The following BBOF1 variants were observed in gnomAD, a reference collection of about 807,000 sequenced individuals.
BBOF1 encodes the protein basal body-orientation factor 1.
Under a neutral mutation model 68.0 loss-of-function variants are expected in BBOF1, and 62 were observed. That is an observed-to-expected ratio of 0.91 (90% CI 0.74 to 1.13). BBOF1 has a LOEUF of 1.13. BBOF1 is among the 50% of genes most tolerant of loss of function. BBOF1 has a pLI of 0.00. For missense variants in BBOF1, 534 were observed against 600.1 expected, an observed-to-expected ratio of 0.89 and a Z score of 1.15; for synonymous variants, 208 against 198.8, an observed-to-expected ratio of 1.05 and a Z score of -0.39.
intron 1 of BBOF1, among the ~76,000 whole-genome samples, chr14:74,019,738 A>G (rs535154359): frequency 1.3e-5 from 2 of 152,370 alleles, no homozygotes; most frequent in East Asian, 3.9e-4. Flanking sequence ...TAGAGGATGT[A>G]TAAAGTAGTT....
chr14:74,027,552 T>G (rs1483643496), intron 2 of BBOF1, among the ~76,000 whole-genome samples: 1 of 151,986 alleles, frequency 6.6e-6, no homozygotes, highest in African/African-American at 2.4e-5. Flanking sequence ...ATGAGGAGGA[T>G]AATTGCATAG....
downstream of BBOF1, chr14:74,069,170 T>C: frequency 1.9e-6 from 1 of 519,788 alleles, no homozygotes; most frequent in South Asian, 2.1e-5. Flanking sequence ...AGTGGCACAA[T>C]TTCGGCTCAC....
intron 9 of BBOF1, chr14:74,071,741 G>T: frequency 7.0e-7 from 1 of 1,438,262 alleles, no homozygotes. Flanking sequence ...CAGTCTTAGG[G>T]ATACTGAATA....
intron 6 of BBOF1, 147 bp downstream of exon 6, chr14:74,046,277 C>A: frequency 1.7e-6 from 1 of 603,846 alleles, no homozygotes; most frequent in South Asian, 2.5e-5. Context: ...CTGTTTCTTT[C>A]TCTTTGTATA....
intron 7 of BBOF1, chr14:74,048,308 C>T: frequency 5.5e-6 from 2 of 366,808 alleles, no homozygotes; most frequent in Non-Finnish European, 9.8e-6. Flanking sequence ...TGACCCTTAT[C>T]CTCTACTACC....
At chr14:74,070,494 G>A (rs1361941373), downstream of BBOF1, among the ~76,000 whole-genome samples, 4 of 152,154 alleles carry the variant, frequency 2.6e-5, no homozygotes. Context: ...TCTCCAGTCT[G>A]GGCGACAGAG....
intron 9 of BBOF1, among the ~76,000 whole-genome samples, chr14:74,074,318 C>T (rs1169475167): frequency 1.4e-5 from 2 of 144,972 alleles, no homozygotes; most frequent in East Asian, 2.0e-4. Flanking sequence ...AACGGAGTCT[C>T]GCTCTGTCAT....
intron 5 of BBOF1, among the ~76,000 whole-genome samples, chr14:74,044,761 A>C (rs1446384514): frequency 6.6e-6 from 1 of 152,138 alleles, no homozygotes; most frequent in Non-Finnish European, 1.5e-5. Context: ...CCCCGTCTCT[A>C]CAAAAATACA....
rs528599373 is a variant in BBOF1 at position 74,027,304 on chromosome 14, C to A, written c.286-1880C>A. ...GTTTCACTGTGCTGGCCAGGTTGGT[C>A]TCGAACTCCTGACCTCAGGTGATCT... On this transcript the variant is annotated intron_variant, in intron 2 of 11. Coordinates refer to ENST00000394009, the MANE Select transcript of BBOF1 (RefSeq NM_025057.3). 2.0e-5 allele frequency among the ~76,000 whole-genome samples: 3 copies of A among 149,520 alleles called. No homozygotes were observed. The Admixed American group carries it at 2.0e-4, about 10-fold the overall frequency.
chr14:74,055,976 G>T (rs1380993333), intron 9 of BBOF1, among the ~76,000 whole-genome samples: 2 of 152,058 alleles, frequency 1.3e-5, no homozygotes, highest in Non-Finnish European at 2.9e-5. Context: ...AGCTGAATGA[G>T]TGGCAACTGA....
chr14:74,053,371 A>C (rs2139651462), intron 8 of BBOF1, among the ~76,000 whole-genome samples: 1 of 151,882 alleles, frequency 6.6e-6, no homozygotes, highest in Middle Eastern at 3.4e-3. Context: ...TCGGCCTCCC[A>C]AAGTGCTGGG....
chr14:74,062,519 T>G (rs935102114), intron 11 of BBOF1, among the ~76,000 whole-genome samples: 1 of 152,008 alleles, frequency 6.6e-6, no homozygotes, highest in African/African-American at 2.4e-5. Context: ...GAGAATTGCT[T>G]GAACCCTGGA....
At chr14:74,056,205 T>TA (rs2060199467) in intron 9 of BBOF1, among the ~76,000 whole-genome samples, 1 of 148,586 alleles carries the variant, frequency 6.7e-6, no homozygotes, top group Non-Finnish European at 1.5e-5. Flanking sequence ...CTAATTTTTT[T>TA]TTTTTTTTTT....
At chr14:74,072,368 A>C in intron 9 of BBOF1, 1 of 1,614,170 alleles carries the variant, frequency 6.2e-7, no homozygotes, top group Non-Finnish European at 8.5e-7. Flanking sequence ...TGGTGGCCTG[A>C]TGAGAAAAAT....
chr14:74,019,769 C>T (rs1871972888), intron 1 of BBOF1, among the ~76,000 whole-genome samples: 1 of 152,236 alleles, frequency 6.6e-6, no homozygotes, highest in African/African-American at 2.4e-5. Context: ...TTTCAGAGAT[C>T]TCTTTTGGTT....
chr14:74,042,628 C>T (rs1208548064), intron 5 of BBOF1, among the ~76,000 whole-genome samples: 1 of 152,098 alleles, frequency 6.6e-6, no homozygotes, highest in East Asian at 1.9e-4. Flanking sequence ...TAGCACATTT[C>T]ATCTTACATC....
chr14:74,063,056 TA>T (rs1293826548), intron 11 of BBOF1, among the ~76,000 whole-genome samples: 3 of 152,206 alleles, frequency 2.0e-5, no homozygotes, highest in African/African-American at 7.2e-5. Context: ...CCTGCCTCTC[TA>T]ACTTCATTTC....
At chr14:74,043,595 C>T (rs897103844) in intron 5 of BBOF1, among the ~76,000 whole-genome samples, 9 of 144,520 alleles carry the variant, frequency 6.2e-5, no homozygotes, top group African/African-American at 2.0e-4. Context: ...GACAGAGTCT[C>T]ACTTTGTCAC....
intron 2 of BBOF1, among the ~76,000 whole-genome samples, chr14:74,027,418 G>C (rs12895220): frequency 2.7e-5 from 2 of 73,196 alleles, no homozygotes; most frequent in South Asian, 9.3e-4. Context: ...TTTTGCAGAA[G>C]AATGCCAATT....
Sources: gnomAD v4.1 joint callset for allele counts (sites outside exome capture counted in the v4.1 genomes callset) on GRCh38, gnomAD v4.1.1 for gene constraint, MANE v1.5 for transcripts, NCBI Gene and HGNC (gene_info 2026-07-23, HGNC 2026-07-21) for gene names.